Variants in HIF1AN observed in about 807,000 individuals in gnomAD.
HIF1AN encodes hypoxia-inducible factor 1-alpha inhibitor.
HIF1AN carries 21 observed loss-of-function variants against 47.7 expected under a neutral mutation model. That is an observed-to-expected ratio of 0.44 (90% CI 0.31 to 0.63). The LOEUF is 0.63. HIF1AN is among the 30% of genes least tolerant of loss of function. HIF1AN has a pLI of 0.07. For synonymous variants in HIF1AN, 152 were observed against 155.9 expected, an observed-to-expected ratio of 0.98 and a Z score of 0.18; for missense variants, 320 against 432.7, an observed-to-expected ratio of 0.74 and a Z score of 2.31.
Position 100,549,753 on chromosome 10 carries a change from CT to C in HIF1AN, c.*1631del, listed in dbSNP as rs761978570. Reference sequence around the variant, plus strand: ...GTTGGAAGGTCTCTGGTTTTCTTTTCTTTTTTTTTTTTTTTGCCAAAGGTTT... The same window carrying C: ...GTTGGAAGGTCTCTGGTTTTCTTTTCTTTTTTTTTTTTTTGCCAAAGGTTT... On this transcript the variant is annotated 3_prime_UTR_variant, in exon 8 of 8. Transcript: ENST00000299163. The C allele has an allele frequency of 0.11, 14,930 of 137,530 alleles. 1,518 individuals are homozygous for C. Among genetic ancestry groups the C allele is most frequent in the African/African-American group, 0.29 (10,879 of 38,132 alleles). The allele number at this position is 137,530 out of a possible 1,614,324, so 8.5% of individuals were successfully genotyped here. A position where few individuals can be genotyped will look rare whatever the true frequency, so the allele number is the denominator to read the frequency against.
rs903743230 is a variant in HIF1AN at position 100,555,752 on chromosome 10, T to G, written c.*7615T>G. 3 of 152,256 alleles carry G rather than the reference T, an allele frequency of 2.0e-5. No individual in the cohort carries two copies. The highest frequency in any genetic ancestry group is 6.5e-5 in the Admixed American group (1 of 15,276). 9.4% of individuals were successfully genotyped at this position (152,256 alleles called of 1,614,324 possible). A position where few individuals can be genotyped will look rare whatever the true frequency, so the allele number is the denominator to read the frequency against. ...TTTGGCTCTAGCTAATTTTGCTGTT[T>G]TATTCCGTTTACTTAAAACCTATTC... On this transcript the variant is annotated 3_prime_UTR_variant, in exon 8 of 8. Transcript: ENST00000299163.
In HIF1AN at chr10:100,545,932, G is replaced by A; in HGVS notation, c.724-11G>A. ...GATTGATATTTTTTTTCTTTCTCTT[G>A]AACCTCTTAGGTGGACTTTGACAAT... On this transcript the variant is annotated splice_polypyrimidine_tract_variant and intron_variant, in intron 4 of 7. Coordinates refer to ENST00000299163, the MANE Select transcript of HIF1AN (RefSeq NM_017902.3). 1 of 1,583,716 alleles carries A rather than the reference G, an allele frequency of 6.3e-7. No individual in the cohort carries two copies. Among genetic ancestry groups the A allele is most frequent in the Middle Eastern group, 1.7e-4 (1 of 5,988 alleles).
At position 100,535,992 on chromosome 10, in the gene HIF1AN, G is replaced by A; in HGVS notation, c.34G>A (p.Gly12Ser). The change falls in exon 1 of 8, where the codon GGC becomes AGC. Residue 12 changes from glycine to serine, a missense_variant. Gly to Ser is a moderately conservative substitution (Grantham distance 56). Transcript: ENST00000299163. ...AATAAEAVAS[G>S]SGEPREEAGA... Reference sequence around the variant, plus strand: ...GACAGCGGCGGAGGCTGTGGCCTCTGGCTCTGGAGAGCCCCGGGAGGAGGC... The same window carrying A: ...GACAGCGGCGGAGGCTGTGGCCTCTAGCTCTGGAGAGCCCCGGGAGGAGGC... 1 of 1,560,046 alleles carries A rather than the reference G, an allele frequency of 6.4e-7. No individual in the cohort carries two copies.
At chr10:100,547,446 A>T (rs543520889) in intron 7 of HIF1AN, among the ~76,000 whole-genome samples, 196 bp downstream of exon 7, 2 of 152,318 alleles carry the variant, frequency 1.3e-5, no homozygotes, top group South Asian at 2.1e-4. Context: ...AATTAGTTCC[A>T]TGCTAGTAGT....
Position 100,557,292 on chromosome 10 carries a change from G to A in HIF1AN, c.*9155G>A, listed in dbSNP as rs1370244040. The A allele has an allele frequency of 6.6e-6, 1 of 152,186 alleles. No individual in the cohort carries two copies. The highest frequency in any genetic ancestry group is 2.4e-5 in the African/African-American group (1 of 41,428). 9.4% of individuals were successfully genotyped at this position (152,186 alleles called of 1,614,324 possible). A position where few individuals can be genotyped will look rare whatever the true frequency, so the allele number is the denominator to read the frequency against. On this transcript the variant is annotated 3_prime_UTR_variant, in exon 8 of 8. Transcript: ENST00000299163. ...GACTTTGCACAGGCTGGGTGCCTTT[G>A]GGGGTGTTCATCTCGCTATGCTTCG... is the stretch of plus-strand genomic sequence containing the variant.
In HIF1AN at chr10:100,547,159, G is replaced by A. The variant is rs1287901067; in HGVS notation, c.914G>A (p.Arg305Lys). The stretch of plus-strand genomic sequence containing the variant: ...TTGTAGGGGGCTCCCACCCCTAAGA[G>A]AATTGAATATCCTCTCAAAGCTCAT... ...FWYKGAPTPK[R>K]IEYPLKAHQK... Residue 305 changes from arginine (R) to lysine (K), a missense_variant, in exon 7 of 8, where the codon AGA becomes AAA. Physicochemically the swap from Arg to Lys is conservative, Grantham distance 26. Transcript: ENST00000299163. 1 of 1,613,746 alleles carries A rather than the reference G, an allele frequency of 6.2e-7. No individual in the cohort carries two copies. The highest frequency in any genetic ancestry group is 8.5e-7 in the Non-Finnish European group (1 of 1,179,824).
intron 3 of HIF1AN, among the ~76,000 whole-genome samples, chr10:100,543,143 C>T (rs902346765): frequency 3.3e-5 from 5 of 151,908 alleles, no homozygotes; most frequent in African/African-American, 9.7e-5. Context: ...TAAAGATTTC[C>T]GGCCATGTGG....
intron 3 of HIF1AN, among the ~76,000 whole-genome samples, chr10:100,541,304 T>C (rs1047257789): frequency 6.6e-6 from 1 of 152,152 alleles, no homozygotes; most frequent in African/African-American, 2.4e-5. Flanking sequence ...GGCAGGAGGA[T>C]TGCTTGAAGC....
Position 100,556,314 on chromosome 10 carries a change from C to G in HIF1AN, c.*8177C>G, listed in dbSNP as rs1471571177. ...CAATACTAAAAATACCTGAAACATA[C>G]TGGGTGAAAATAAGACATTGGAGCT... On this transcript the variant is annotated 3_prime_UTR_variant, in exon 8 of 8. Coordinates refer to ENST00000299163, the MANE Select transcript of HIF1AN (RefSeq NM_017902.3). 1.3e-5 allele frequency: 2 copies of G among 152,132 alleles called. No homozygotes were observed. The highest frequency in any genetic ancestry group is 4.8e-5 in the African/African-American group (2 of 41,422). 9.4% of individuals were successfully genotyped at this position (152,132 alleles called of 1,614,324 possible).
At position 100,547,151 on chromosome 10, in the gene HIF1AN, C is replaced by T; in HGVS notation, c.906C>T (p.Thr302=). 1 of 1,613,128 alleles carries T rather than the reference C, an allele frequency of 6.2e-7. No homozygotes were observed. The highest frequency in any genetic ancestry group is 2.2e-5 in the East Asian group (1 of 44,868). The change falls in exon 7 of 8, where the codon ACC becomes ACT. Residue 302 remains threonine (T), a synonymous_variant. Coordinates refer to ENST00000299163, the MANE Select transcript of HIF1AN (RefSeq NM_017902.3). ...TVNFWYKGAP[T]PKRIEYPLKA... ...TGCTTCCTTTGTAGGGGGCTCCCACCCCTAAGAGAATTGAATATCCTCTCA... is the reference window on the plus strand; with the variant it reads ...TGCTTCCTTTGTAGGGGGCTCCCACTCCTAAGAGAATTGAATATCCTCTCA...
chr10:100,540,560 T>A, intron 2 of HIF1AN, 74 bp from the exon 3 acceptor site: 1 of 1,549,784 alleles, frequency 6.5e-7, no homozygotes, highest in Admixed American at 2.0e-5. Context: ...GGGCTTGGAT[T>A]TTCAGATGTG....
rs150628282 is a variant in HIF1AN, at chr10:100,552,101, C to T, written c.*3964C>T. 4.2e-3 allele frequency: 647 copies of T among 152,348 alleles called. 2 individuals are homozygous for T. The highest frequency in any genetic ancestry group is 6.1e-3 in the Non-Finnish European group (413 of 68,066). The allele number at this position is 152,348 out of a possible 1,614,324, so 9.4% of individuals were successfully genotyped here. A position where few individuals can be genotyped will look rare whatever the true frequency, so the allele number is the denominator to read the frequency against. The stretch of plus-strand genomic sequence containing the variant: ...GATGAGTCTTCAGGTGTGGAGCAGC[C>T]CACCTTGGCTCTTCCCATGTCTCTG... On this transcript the variant is annotated 3_prime_UTR_variant, in exon 8 of 8. Transcript: ENST00000299163.
chr10:100,548,147 G>A lies in HIF1AN; in HGVS notation c.*10G>A. 1.2e-6 allele frequency: 2 copies of A among 1,604,610 alleles called. No homozygotes were observed. Among genetic ancestry groups the A allele is most frequent in the Non-Finnish European group, 1.7e-6 (2 of 1,175,178 alleles). On this transcript the variant is annotated 3_prime_UTR_variant, in exon 8 of 8. Coordinates refer to ENST00000299163, the MANE Select transcript of HIF1AN (RefSeq NM_017902.3). ...GGGCCGATACAACTAGCCTGCCAGG[G>A]GTCAAGGCCTCCTGCCAGGTGACTG...
chr10:100,540,825 A>C, intron 3 of HIF1AN, 43 bp downstream of exon 3: 1 of 1,539,144 alleles, frequency 6.5e-7, no homozygotes, highest in South Asian at 1.2e-5. Flanking sequence ...AGTCATATGA[A>C]CCTGATTTCT....
intron 7 of HIF1AN, among the ~76,000 whole-genome samples, 200 bp from the exon 8 acceptor site, chr10:100,547,893 A>G (rs1336212472): frequency 1.3e-5 from 2 of 152,040 alleles, no homozygotes; most frequent in African/African-American, 4.8e-5. Context: ...TAATAGTACA[A>G]GATGGACCCC....
At position 100,536,106 on chromosome 10, in the gene HIF1AN, C is replaced by G; in HGVS notation, c.148C>G (p.Pro50Ala). Reference sequence around the variant, plus strand: ...CATTCCGCGTCTGAGTCAGAGCGACCCCCGGGCAGAGGAGCTTATTGAGAA... The same window carrying G: ...CATTCCGCGTCTGAGTCAGAGCGACGCCCGGGCAGAGGAGCTTATTGAGAA... ...RPIPRLSQSD[P>A]RAEELIENEE... Residue 50 changes from proline (P) to alanine (A), a missense_variant, in exon 1 of 8, where the codon CCC becomes GCC. By Grantham distance (27) the Pro-to-Ala change is conservative (BLOSUM62 -1). Transcript: ENST00000299163. 1 of 1,606,774 alleles carries G rather than the reference C, an allele frequency of 6.2e-7. No individual in the cohort carries two copies. The highest frequency in any genetic ancestry group is 1.1e-5 in the South Asian group (1 of 90,296).
chr10:100,541,557 G>T (rs11190603), intron 3 of HIF1AN, among the ~76,000 whole-genome samples: 25,725 of 151,978 alleles, frequency 0.17, 2,479 homozygotes, highest in South Asian at 0.23. Flanking sequence ...CTGGAGTGCA[G>T]TTGTGTGGTC....
chr10:100,541,020 C>T (rs146379354), intron 3 of HIF1AN, among the ~76,000 whole-genome samples: 1 of 151,908 alleles, frequency 6.6e-6, no homozygotes, highest in South Asian at 2.1e-4. Flanking sequence ...GGAGACCATC[C>T]CGGCCAACAT....
In HIF1AN at chr10:100,551,315, A is replaced by G. The variant is rs1843156507; in HGVS notation, c.*3178A>G. The G allele has an allele frequency of 1.3e-5, 2 of 152,240 alleles. No individual in the cohort carries two copies. Among genetic ancestry groups the G allele is most frequent in the Non-Finnish European group, 2.9e-5 (2 of 68,054 alleles). The allele number at this position is 152,240 out of a possible 1,614,324, so 9.4% of individuals were successfully genotyped here. ...TCACTGGTGATTAGACACAGGATGA[A>G]GGAAAAGAAATTTGACAATTAGGAA... On this transcript the variant is annotated 3_prime_UTR_variant, in exon 8 of 8. Coordinates refer to ENST00000299163, the MANE Select transcript of HIF1AN (RefSeq NM_017902.3).
Sources: gnomAD v4.1 joint callset for allele counts (sites outside exome capture counted in the v4.1 genomes callset) on GRCh38, gnomAD v4.1.1 for gene constraint, MANE v1.5 for transcripts, NCBI Gene and HGNC (gene_info 2026-07-23, HGNC 2026-07-21) for gene names.